Variants in MOV10L1 observed in about 807,000 individuals in gnomAD.
MOV10L1 encodes Mov10 like RNA helicase 1, also known as RNA helicase Mov10l1.
Under a neutral mutation model 143.8 loss-of-function variants are expected in MOV10L1, and 110 were observed. The ratio of observed to expected loss-of-function variants is 0.76; its 90% confidence interval spans 0.66 to 0.90. The LOEUF is 0.90. Ranked by LOEUF, MOV10L1 falls within the 40% of genes least tolerant of loss-of-function variation. The pLI is 0.00. For synonymous variants in MOV10L1, 593 were observed against 581.1 expected, an observed-to-expected ratio of 1.02 and a Z score of -0.29; for missense variants, 1,406 against 1,526.8, an observed-to-expected ratio of 0.92 and a Z score of 1.32.
At chr22:50,122,031 C>A (rs993398945) in intron 10 of MOV10L1, among the ~76,000 whole-genome samples, 12 of 152,262 alleles carry the variant, frequency 7.9e-5, no homozygotes, top group East Asian at 7.7e-4. Context: ...CTCAAGTATT[C>A]CTCCCGCCTC....
intron 2 of MOV10L1, among the ~76,000 whole-genome samples, chr22:50,096,707 T>G (rs1370298347): frequency 6.6e-6 from 1 of 152,236 alleles, no homozygotes; most frequent in African/African-American, 2.4e-5. Context: ...TATCTCACTG[T>G]GGTTTTGATT....
intron 5 of MOV10L1, among the ~76,000 whole-genome samples, chr22:50,110,513 G>C (rs1020279685): frequency 1.3e-5 from 2 of 151,984 alleles, no homozygotes; most frequent in African/African-American, 4.8e-5. Context: ...TGAAGGTGGA[G>C]TTAGGGGTCG....
intron 17 of MOV10L1, 88 bp from the exon 18 acceptor site, chr22:50,144,009 C>G (rs746550080): frequency 5.0e-5 from 76 of 1,518,986 alleles, no homozygotes; most frequent in Non-Finnish European, 6.4e-5. Flanking sequence ...AGTCCCTGCA[C>G]CCGAATGTGT....
At chr22:50,154,082 A>T (rs948443206) in intron 22 of MOV10L1, among the ~76,000 whole-genome samples, 2 of 152,142 alleles carry the variant, frequency 1.3e-5, no homozygotes, top group East Asian at 1.9e-4. Flanking sequence ...GTGGGATGGG[A>T]TATGTGTATG....
At position 50,108,129 on chromosome 22, in the gene MOV10L1, G is replaced by T; in HGVS notation, c.443-7G>T. The stretch of plus-strand genomic sequence containing the variant: ...CACTACCATGGCTTTTTTCCTGGCG[G>T]TTTTAGGCTTCGAGCCCTGCAAGGG... On this transcript the variant is annotated splice_polypyrimidine_tract_variant and splice_region_variant and intron_variant, in intron 3 of 26. Coordinates refer to ENST00000262794, the MANE Select transcript of MOV10L1 (RefSeq NM_018995.3). 1 of 1,612,384 alleles carries T rather than the reference G, an allele frequency of 6.2e-7. No individual in the cohort carries two copies. The highest frequency in any genetic ancestry group is 8.5e-7 in the Non-Finnish European group (1 of 1,178,760).
intron 3 of MOV10L1, among the ~76,000 whole-genome samples, chr22:50,100,244 C>T (rs1443366981): frequency 1.3e-5 from 2 of 152,128 alleles, no homozygotes; most frequent in African/African-American, 4.8e-5. Context: ...CCACCTGCCT[C>T]GGCCTCCTAA....
At chr22:50,155,253 T>G (rs1204501473) in intron 22 of MOV10L1, among the ~76,000 whole-genome samples, 2 of 145,918 alleles carry the variant, frequency 1.4e-5, no homozygotes, top group Middle Eastern at 3.4e-3. Flanking sequence ...TTTTGGGGGT[T>G]GTTTTGTGGG....
At position 50,151,079 on chromosome 22, in the gene MOV10L1, A is replaced by G. The variant is rs550657122; in HGVS notation, c.2892+180A>G. Among the ~76,000 whole-genome samples the G allele has an allele frequency of 3.3e-5, 5 of 152,346 alleles. No individual in the cohort carries two copies. The South Asian group carries it at 1.0e-3, about 32-fold the overall frequency. ...AACTGCAGCCTGGTGCTGATGGCTG[A>G]GACTCTGGGGTCAGATTCAGTAAAA... On this transcript the variant is annotated intron_variant, in intron 21 of 26. Transcript: ENST00000262794.
rs1361513740 is a variant in MOV10L1 at position 50,090,195 on chromosome 22, G to A, written c.97+10G>A. The A allele has an allele frequency of 2.1e-6, 3 of 1,413,482 alleles. No individual in the cohort carries two copies. Among genetic ancestry groups the A allele is most frequent in the East Asian group, 5.5e-5 (2 of 36,274 alleles). 87.6% of individuals were successfully genotyped at this position (1,413,482 alleles called of 1,614,324 possible). A position where few individuals can be genotyped will look rare whatever the true frequency, so the allele number is the denominator to read the frequency against. ...CCCGAGCTCGCGGAAGGTGGCTCGC[G>A]GGAGGCGGCTGGGAGGCGGGTCCCG... is the stretch of plus-strand genomic sequence containing the variant. On this transcript the variant is annotated intron_variant, in intron 1 of 26. Coordinates refer to ENST00000262794, the MANE Select transcript of MOV10L1 (RefSeq NM_018995.3).
chr22:50,142,386 G>C (rs1195640065), intron 16 of MOV10L1, among the ~76,000 whole-genome samples, 197 bp downstream of exon 16: 1 of 152,170 alleles, frequency 6.6e-6, no homozygotes. Context: ...TTTAGATTCT[G>C]GGTTGTTTTT....
At chr22:50,150,416 C>T (rs773544896) in intron 20 of MOV10L1, among the ~76,000 whole-genome samples, 16 of 152,364 alleles carry the variant, frequency 1.1e-4, no homozygotes, top group Non-Finnish European at 1.9e-4. Flanking sequence ...CAGGGCCAGC[C>T]ATGCAGAAGC....
Position 50,117,156 on chromosome 22 carries a change from G to T in MOV10L1, c.1260-1G>T. On this transcript the variant is annotated splice_acceptor_variant, in intron 8 of 26. Transcript: ENST00000262794. LOFTEE classifies it high-confidence loss of function. ...CTAAATTTCATTTTGTTTTTTTCAA[G>T]AAATCCTGGCCGCTGCAAGGAGCTC... 1 of 1,582,300 alleles carries T rather than the reference G, an allele frequency of 6.3e-7. No homozygotes were observed. The highest frequency in any genetic ancestry group is 1.9e-5 in the Admixed American group (1 of 52,480).
chr22:50,140,986 C>A (rs1369416520), intron 15 of MOV10L1, among the ~76,000 whole-genome samples: 1 of 152,092 alleles, frequency 6.6e-6, no homozygotes, highest in East Asian at 1.9e-4. Flanking sequence ...AATTGAAAAT[C>A]CCACTGGTTC....
intron 1 of MOV10L1, chr22:50,090,475 C>G (rs1049873216): frequency 1.1e-5 from 18 of 1,610,032 alleles, no homozygotes; most frequent in Middle Eastern, 3.3e-4. Flanking sequence ...GTCGTCTCTC[C>G]ATGTCGTTCC....
intron 15 of MOV10L1, among the ~76,000 whole-genome samples, chr22:50,140,215 A>G (rs2147328857): frequency 6.6e-6 from 1 of 152,336 alleles, no homozygotes; most frequent in East Asian, 1.9e-4. Flanking sequence ...GTGTGCATTT[A>G]TATGAAGTAT....
chr22:50,141,623 A>G (rs1028946738), intron 15 of MOV10L1, among the ~76,000 whole-genome samples: 1 of 151,860 alleles, frequency 6.6e-6, no homozygotes, highest in Admixed American at 6.6e-5. Flanking sequence ...GATAAGCGTG[A>G]GCCCCGTGCC....
chr22:50,123,369 T>G (rs138236), intron 10 of MOV10L1, among the ~76,000 whole-genome samples: 41,704 of 151,946 alleles, frequency 0.27, 6,183 homozygotes, highest in Non-Finnish European at 0.33. Context: ...CCTTTTATTT[T>G]ATATATGTTT....
At chr22:50,130,255 A>AGAGC (rs2062633154) in intron 13 of MOV10L1, among the ~76,000 whole-genome samples, 1 of 152,204 alleles carries the variant, frequency 6.6e-6, no homozygotes, top group African/African-American at 2.4e-5. Flanking sequence ...AGCCTGAGAC[A>AGAGC]GAGCGAGACT....
intron 3 of MOV10L1, among the ~76,000 whole-genome samples, chr22:50,099,929 C>T (rs1296314702): frequency 1.3e-5 from 2 of 152,070 alleles, no homozygotes; most frequent in East Asian, 3.8e-4. Context: ...CACAGAGGCT[C>T]TTGGATATTG....
Sources: allele counts gnomAD v4.1 joint callset (sites outside exome capture counted in the v4.1 genomes callset), GRCh38; gene constraint gnomAD v4.1.1; transcripts MANE v1.5; gene names NCBI Gene and HGNC (gene_info 2026-07-23, HGNC 2026-07-21).